PRMT3: variants seen among roughly 807,000 people sequenced by gnomAD.
The protein encoded by PRMT3 is protein arginine methyltransferase 3.
PRMT3 carries 62 observed loss-of-function variants against 71.9 expected under a neutral mutation model. The ratio of observed to expected loss-of-function variants is 0.86; its 90% CI spans 0.70 to 1.07. The LOEUF is 1.07. Among genes scored for constraint, PRMT3 ranks in the 50% least tolerant of loss-of-function variants. PRMT3 has a pLI of 0.00. For missense variants in PRMT3, 663 were observed against 643.0 expected (o/e 1.03, Z -0.34); for synonymous variants, 213 against 220.4 (o/e 0.97, Z 0.30).
intron 4 of PRMT3, 142 bp downstream of exon 4, chr11:20,392,402 G>A: frequency 1.2e-6 from 1 of 847,530 alleles, no homozygotes; most frequent in Non-Finnish European, 1.7e-6. Flanking sequence ...ACGGACATTA[G>A]GAGGTAGCAC....
At chr11:20,450,589 A>G (rs1303966098) in intron 10 of PRMT3, among the ~76,000 whole-genome samples, 1 of 152,180 alleles carries the variant, frequency 6.6e-6, no homozygotes, top group South Asian at 2.1e-4. Flanking sequence ...ATTGATAAAC[A>G]AGCTTTGTTC....
At chr11:20,413,915 C>T (rs776094230) in intron 9 of PRMT3, among the ~76,000 whole-genome samples, 1 of 152,080 alleles carries the variant, frequency 6.6e-6, no homozygotes, top group Non-Finnish European at 1.5e-5. Context: ...GCCCTTTTCT[C>T]GGTCAGAAGT....
chr11:20,504,132 G>C (rs532338869), intron 15 of PRMT3, among the ~76,000 whole-genome samples: 1 of 152,238 alleles, frequency 6.6e-6, no homozygotes, highest in Non-Finnish European at 1.5e-5. Flanking sequence ...TTTCTGCTCA[G>C]ATATTTTGCT....
At chr11:20,428,079 G>A (rs1250487750) in intron 10 of PRMT3, among the ~76,000 whole-genome samples, 5 of 151,878 alleles carry the variant, frequency 3.3e-5, no homozygotes, top group Non-Finnish European at 7.4e-5. Context: ...ATGTGAAACA[G>A]TATGTTGATT....
At chr11:20,392,789 T>C (rs1848744668) in intron 4 of PRMT3, 108 bp from the exon 5 acceptor site, 3 of 717,952 alleles carry the variant, frequency 4.2e-6, no homozygotes, top group Admixed American at 2.4e-5. Flanking sequence ...ATACTGACTT[T>C]GTGTAATGCA....
At chr11:20,503,164 T>G (rs1851498759) in intron 15 of PRMT3, among the ~76,000 whole-genome samples, 1 of 152,184 alleles carries the variant, frequency 6.6e-6, no homozygotes, top group Non-Finnish European at 1.5e-5. Context: ...TTTTTCATTT[T>G]TTATAGTCAC....
At chr11:20,407,849 T>G in intron 8 of PRMT3, 62 bp from the exon 9 acceptor site, 1 of 1,453,968 alleles carries the variant, frequency 6.9e-7, no homozygotes, top group Non-Finnish European at 9.4e-7. Context: ...ATGAATAGAA[T>G]TTAATATAGA....
At chr11:20,493,837 C>A in intron 13 of PRMT3, 82 bp from the exon 14 acceptor site, 1 of 913,080 alleles carries the variant, frequency 1.1e-6, no homozygotes, top group Non-Finnish European at 1.7e-6. Context: ...TTATCATTTG[C>A]CATGTCTTAA....
At chr11:20,417,778 A>T (rs976325860) in intron 9 of PRMT3, among the ~76,000 whole-genome samples, 33 of 147,108 alleles carry the variant, frequency 2.2e-4, no homozygotes, top group Non-Finnish European at 3.5e-4. Context: ...TCTCTGTCAC[A>T]CACACACACA....
At chr11:20,407,696 G>A (rs1446135342) in intron 8 of PRMT3, 13 of 371,650 alleles carry the variant, frequency 3.5e-5, no homozygotes, top group South Asian at 1.6e-4. Flanking sequence ...ATTTCAATAC[G>A]TAATGGAAAG....
At chr11:20,390,532 A>C (rs1848690629) in intron 3 of PRMT3, among the ~76,000 whole-genome samples, 1 of 152,248 alleles carries the variant, frequency 6.6e-6, no homozygotes, top group African/African-American at 2.4e-5. Context: ...TTTTATACAA[A>C]GTTCGGTAGA....
At position 20,467,373 on chromosome 11, in the gene PRMT3, A is replaced by G. The variant is rs565001011; in HGVS notation, c.1347+2827A>G. Among the ~76,000 whole-genome samples the G allele has an allele frequency of 3.3e-5, 5 of 152,318 alleles. No homozygotes were observed. The East Asian group carries it at 9.6e-4, about 29-fold the overall frequency. Reference sequence around the variant, plus strand: ...CATATTATTCCCATCTTACTGGTGAAGGAAAAAAATTACTGTTTTACTTGT... The same window carrying G: ...CATATTATTCCCATCTTACTGGTGAGGGAAAAAAATTACTGTTTTACTTGT... On this transcript the variant is annotated intron_variant, in intron 13 of 15. Coordinates refer to ENST00000331079, the MANE Select transcript of PRMT3 (RefSeq NM_005788.4).
At position 20,508,346 on chromosome 11, in the gene PRMT3, A is replaced by G. The variant is rs74772442; in HGVS notation, c.1529A>G (p.Lys510Arg). 9.8e-3 allele frequency: 15,830 copies of G among 1,612,254 alleles called. 1,221 individuals carry two copies. The African/African-American group carries it at 0.18, about 18-fold the overall frequency. The part of the protein sequence containing the change: ...KGKVTVHKNK[K>R]DPRSLTVTLT... ...AAGGTCACAGTTCACAAGAATAAGA[A>G]AGATCCACGTTCTCTCACCGTGACC... The change falls in exon 16 of 16, where the codon AAA (lysine) becomes AGA (arginine). Residue 510 changes from lysine (K) to arginine (R), a missense_variant. By Grantham distance (26) the Lys-to-Arg change is conservative. Transcript: ENST00000331079.
intron 7 of PRMT3, among the ~76,000 whole-genome samples, chr11:20,399,783 C>T (rs1452752556): frequency 6.6e-6 from 1 of 152,180 alleles, no homozygotes; most frequent in Non-Finnish European, 1.5e-5. Context: ...ATGTCAGTAA[C>T]CATAAGACTT....
chr11:20,462,952 G>A (rs1171094578), intron 12 of PRMT3, among the ~76,000 whole-genome samples: 2 of 151,016 alleles, frequency 1.3e-5, no homozygotes, highest in South Asian at 2.1e-4. Flanking sequence ...TGCAATCTCC[G>A]CCTCCCGTGT....
intron 10 of PRMT3, among the ~76,000 whole-genome samples, chr11:20,430,195 A>G (rs938550132): frequency 1.3e-5 from 2 of 152,228 alleles, no homozygotes; most frequent in Non-Finnish European, 2.9e-5. Flanking sequence ...AAAATCTAGA[A>G]TGAACCATAG....
chr11:20,507,845 T>A (rs1247857171), intron 15 of PRMT3, among the ~76,000 whole-genome samples: 2 of 141,372 alleles, frequency 1.4e-5, no homozygotes, highest in Non-Finnish European at 3.1e-5. Context: ...AATGGCTCAT[T>A]CCTGTATTCC....
intron 10 of PRMT3, among the ~76,000 whole-genome samples, chr11:20,451,670 ACAGTAGATGC>A (rs2133386654): frequency 6.6e-6 from 1 of 152,168 alleles, no homozygotes; most frequent in Non-Finnish European, 1.5e-5. Context: ...TTGGCTCTAC[ACAGTAGATGC>A]CAGTAGCATC....
intron 2 of PRMT3, 82 bp downstream of exon 2, chr11:20,388,236 G>T (rs1332360627): frequency 5.7e-6 from 9 of 1,587,846 alleles, no homozygotes; most frequent in Non-Finnish European, 7.7e-6. Flanking sequence ...CCTTCGGGCG[G>T]GAGGCAAGCC....
Sources: allele counts gnomAD v4.1 joint callset (sites outside exome capture counted in the v4.1 genomes callset), GRCh38; gene constraint gnomAD v4.1.1; transcripts MANE v1.5; gene names NCBI Gene and HGNC (gene_info 2026-07-23, HGNC 2026-07-21).